NUP205: variants seen among roughly 807,000 people sequenced by gnomAD.
The protein encoded by NUP205 is nucleoporin 205, also known as nuclear pore complex protein Nup205.
A neutral mutation model predicts 253.8 loss-of-function variants in NUP205; 76 were observed. That is an observed-to-expected ratio of 0.30 (90% CI 0.25 to 0.36). The LOEUF (loss-of-function observed/expected upper bound fraction) is 0.36. NUP205 is among the 10% of genes least tolerant of loss of function. The pLI, the probability that NUP205 is intolerant of heterozygous loss-of-function variation, is 1.00. For synonymous variants in NUP205, 832 were observed against 850.1 expected, an observed-to-expected ratio of 0.98 and a Z score of 0.37; for missense variants, 2,162 against 2,425.5, an observed-to-expected ratio of 0.89 and a Z score of 2.28.
chr7:135,640,836 G>C (rs763725783), intron 38 of NUP205, among the ~76,000 whole-genome samples: 1 of 152,116 alleles, frequency 6.6e-6, no homozygotes, highest in Non-Finnish European at 1.5e-5. Flanking sequence ...AGTTAAATTA[G>C]ACTGGACATG....
intron 38 of NUP205, among the ~76,000 whole-genome samples, chr7:135,642,548 C>T (rs1262093204): frequency 6.6e-6 from 1 of 152,118 alleles, no homozygotes; most frequent in Admixed American, 6.5e-5. Context: ...TCCCACTGTT[C>T]CTTTGCATCT....
chr7:135,570,701 ATTATATTAATATAATTAATTATAT>A (rs1805944384), intron 1 of NUP205, among the ~76,000 whole-genome samples: 1 of 91,232 alleles, frequency 1.1e-5, no homozygotes, highest in Non-Finnish European at 2.2e-5. Flanking sequence ...AATATAATTA[ATTATATTAATATAATTAATTATAT>A]TTATATATTA....
chr7:135,636,358 C>A (rs1794809831), intron 36 of NUP205, among the ~76,000 whole-genome samples: 1 of 152,084 alleles, frequency 6.6e-6, no homozygotes, highest in Non-Finnish European at 1.5e-5. Context: ...CTACTATTAG[C>A]ATTTTTGTGT....
intron 31 of NUP205, 146 bp from the exon 32 acceptor site, chr7:135,625,018 A>G: frequency 1.4e-6 from 1 of 690,912 alleles, no homozygotes; most frequent in Admixed American, 3.3e-5. Flanking sequence ...CTCAAAAAAA[A>G]ATAAAAAGGA....
intron 31 of NUP205, 100 bp from the exon 32 acceptor site, chr7:135,625,063 AC>A: frequency 1.0e-6 from 1 of 971,828 alleles, no homozygotes. Context: ...TTTATGAAAA[AC>A]ATTCTTCATA....
chr7:135,600,271 C>T (rs181627355), intron 15 of NUP205, among the ~76,000 whole-genome samples: 8 of 152,136 alleles, frequency 5.3e-5, no homozygotes, highest in Admixed American at 1.3e-4. Context: ...AATAAGAAGG[C>T]GATAATGGGA....
chr7:135,645,661 AG>A (rs1794993333), intron 41 of NUP205, 65 bp downstream of exon 41: 6 of 1,514,438 alleles, frequency 4.0e-6, no homozygotes, highest in Non-Finnish European at 4.5e-6. Flanking sequence ...AGCTAGTACC[AG>A]TTTTTTTTTA....
chr7:135,643,610 T>C (rs1794954154), intron 39 of NUP205, among the ~76,000 whole-genome samples: 1 of 152,204 alleles, frequency 6.6e-6, no homozygotes, highest in East Asian at 1.9e-4. Flanking sequence ...ATGAAGAGTT[T>C]TGGGTCATTT....
chr7:135,630,294 T>C lies in NUP205; in HGVS notation c.4933-50T>C, dbSNP rs200591224. The C allele has an allele frequency of 4.2e-5, 59 of 1,407,888 alleles. No individual in the cohort carries two copies. The East Asian group carries it at 1.2e-3, about 29-fold the overall frequency. 87.2% of individuals were successfully genotyped at this position (1,407,888 alleles called of 1,614,324 possible). On this transcript the variant is annotated intron_variant, in intron 34 of 42. Coordinates refer to ENST00000285968, the MANE Select transcript of NUP205 (RefSeq NM_015135.3). ...AATGAATTATGCATTTATATATAATTTTCTACTTCTACCTGTTTTTTCTAT... is the reference window on the plus strand; with the variant it reads ...AATGAATTATGCATTTATATATAATCTTCTACTTCTACCTGTTTTTTCTAT...
Position 135,587,623 on chromosome 7 carries a change from A to G in NUP205, c.1267A>G (p.Met423Val). 4 of 1,610,730 alleles carry G rather than the reference A, an allele frequency of 2.5e-6. No homozygotes were observed. Among genetic ancestry groups the G allele is most frequent in the Non-Finnish European group, 3.4e-6 (4 of 1,178,540 alleles). The change falls in exon 9 of 43, where the codon ATG becomes GTG. Residue 423 changes from methionine to valine, a missense_variant. By Grantham distance (21) the Met-to-Val change is conservative. Transcript: ENST00000285968. ...AGATGAAGATGCTCGAATGATTCAC[A>G]TGAGTATGCAGATGGGTAATGAACC... ...RADEDARMIH[M>V]SMQMGNEPPI...
At chr7:135,641,219 G>A (rs1794909568) in intron 38 of NUP205, among the ~76,000 whole-genome samples, 1 of 152,176 alleles carries the variant, frequency 6.6e-6, no homozygotes, top group Non-Finnish European at 1.5e-5. Flanking sequence ...GAAATGCTTT[G>A]GAGTCCTCCA....
At chr7:135,572,274 T>G (rs899002744) in intron 2 of NUP205, among the ~76,000 whole-genome samples, 2 of 152,226 alleles carry the variant, frequency 1.3e-5, no homozygotes, top group African/African-American at 2.4e-5. Flanking sequence ...TTAAGAAATT[T>G]AGTATATTCC....
chr7:135,627,941 G>A (rs570330302), intron 33 of NUP205, 32 bp from the exon 34 acceptor site: 26 of 1,609,608 alleles, frequency 1.6e-5, no homozygotes, highest in Non-Finnish European at 2.2e-5. Flanking sequence ...CTTAATTCTT[G>A]GAATGTTTTC....
At chr7:135,571,062 G>T in intron 1 of NUP205, 43 bp from the exon 2 acceptor site, 2 of 1,493,768 alleles carry the variant, frequency 1.3e-6, no homozygotes, top group Non-Finnish European at 1.8e-6. Context: ...TTTTTCAAGT[G>T]TATGTTTTCT....
Position 135,584,906 on chromosome 7 carries a change from A to C in NUP205, c.1117A>C (p.Met373Leu), listed in dbSNP as rs770813366. The C allele has an allele frequency of 1.2e-6, 2 of 1,613,968 alleles. No homozygotes were observed. Among genetic ancestry groups the C allele is most frequent in the South Asian group, 1.1e-5 (1 of 91,088 alleles). ...TGCTGACAACGTTTTCCTGTTCCTC[A>C]TGGAATCTGTAGTGGTATCAGAATA... Reference protein sequence around the residue: ...AIADNVFLFLMESVVVSEYFY... With the variant: ...AIADNVFLFLLESVVVSEYFY... Residue 373 changes from methionine to leucine, a missense_variant, in exon 8 of 43, where the codon ATG (methionine) becomes CTG (leucine). Physicochemically the swap from Met to Leu is conservative, Grantham distance 15. Transcript: ENST00000285968.
At chr7:135,558,116 C>A (rs1048694926) in intron 1 of NUP205, 144 bp downstream of exon 1, 3 of 722,886 alleles carry the variant, frequency 4.2e-6, no homozygotes, top group East Asian at 2.7e-5. Flanking sequence ...TAGAGTCCCA[C>A]CCCTCCCCAG....
Position 135,639,553 on chromosome 7 carries a change from C to T in NUP205, c.5392+870C>T, listed in dbSNP as rs145259247. On this transcript the variant is annotated intron_variant, in intron 38 of 42. Transcript: ENST00000285968. ...AAAAATACAACAAGTTAGCCGGGTG[C>T]AGTGGCGCGCGCCTGTAATCCCAGG... Among the ~76,000 whole-genome samples, 108 of 151,854 alleles carry T rather than the reference C, an allele frequency of 7.1e-4. 5 individuals carry two copies. In the East Asian group the frequency reaches 0.019, roughly 27 times the overall value.
chr7:135,638,527 A>G (rs1191673772), intron 37 of NUP205, 30 bp from the exon 38 acceptor site: 1 of 1,607,970 alleles, frequency 6.2e-7, no homozygotes, highest in South Asian at 1.1e-5. Context: ...TCAGGGTCTT[A>G]ACATTTTTGT....
At chr7:135,610,410 G>A (rs551875130) in intron 22 of NUP205, among the ~76,000 whole-genome samples, 2 of 152,268 alleles carry the variant, frequency 1.3e-5, no homozygotes, top group South Asian at 4.1e-4. Flanking sequence ...AGTAGAGAGG[G>A]GGCTTCACCA....
Sources: allele counts gnomAD v4.1 joint callset (sites outside exome capture counted in the v4.1 genomes callset), GRCh38; gene constraint gnomAD v4.1.1; transcripts MANE v1.5; gene names NCBI Gene and HGNC (gene_info 2026-07-23, HGNC 2026-07-21).